ROBO2: variants seen among roughly 807,000 people sequenced by gnomAD.
The protein encoded by ROBO2 is roundabout guidance receptor 2.
A neutral mutation model predicts 160.8 loss-of-function variants in ROBO2; 53 were observed. The ratio of observed to expected loss-of-function variants is 0.33; its 90% CI spans 0.26 to 0.41. The LOEUF is 0.41. Among genes scored for constraint, ROBO2 ranks in the 10% least tolerant of loss-of-function variants. The pLI, the probability that ROBO2 is intolerant of heterozygous loss-of-function variation, is 1.00. For missense variants in ROBO2, 1,577 were observed against 1,722.4 expected (o/e 0.92, Z 1.49); for synonymous variants, 664 against 611.7 (o/e 1.09, Z -1.26).
At chr3:76,213,342 T>C (rs914691138) in intron 2 of ROBO2, among the ~76,000 whole-genome samples, 1 of 152,120 alleles carries the variant, frequency 6.6e-6, no homozygotes, top group African/African-American at 2.4e-5. Flanking sequence ...AAACTAGTCT[T>C]TTAAAGAAGT....
At chr3:77,541,554 C>T (rs2092461681) in intron 6 of ROBO2, among the ~76,000 whole-genome samples, 1 of 152,140 alleles carries the variant, frequency 6.6e-6, no homozygotes, top group Non-Finnish European at 1.5e-5. Flanking sequence ...TCTTAATTGA[C>T]CTTTTTATAT....
At chr3:76,658,706 G>T (rs74654142) in intron 2 of ROBO2, among the ~76,000 whole-genome samples, 421 of 152,250 alleles carry the variant, frequency 2.8e-3, no homozygotes, top group African/African-American at 9.9e-3. Context: ...AGGTGTATAT[G>T]TGCCACATTT....
At position 76,062,023 on chromosome 3, in the gene ROBO2, C is replaced by A. The variant is rs886258969; in HGVS notation, c.109+124421C>A. 2.0e-5 allele frequency among the ~76,000 whole-genome samples: 3 copies of A among 152,244 alleles called. No homozygotes were observed. The East Asian group carries it at 5.8e-4, about 29-fold the overall frequency. On this transcript the variant is annotated intron_variant, in intron 2 of 26. Coordinates refer to the ROBO2 transcript ENST00000487694. ...CCATTTTAAAGGACAATTCTGATGTCATTGGGCTTGCTAGGATGACTCCAG... is the reference window on the plus strand; with the variant it reads ...CCATTTTAAAGGACAATTCTGATGTAATTGGGCTTGCTAGGATGACTCCAG...
chr3:76,468,715 G>A (rs558400922), intron 2 of ROBO2, among the ~76,000 whole-genome samples: 2 of 152,008 alleles, frequency 1.3e-5, no homozygotes, highest in African/African-American at 2.4e-5. Context: ...GATAGCCCAT[G>A]TACCTAGTTT....
At chr3:77,362,451 G>A (rs150351970) in intron 2 of ROBO2, among the ~76,000 whole-genome samples, 93 of 152,254 alleles carry the variant, frequency 6.1e-4, no homozygotes, top group African/African-American at 2.2e-3. Flanking sequence ...CTGGGGGATG[G>A]TGGAGGATGA....
Position 76,218,088 on chromosome 3 carries a change from A to G in ROBO2, c.109+280486A>G, listed in dbSNP as rs567858556. 2.0e-5 allele frequency among the ~76,000 whole-genome samples: 3 copies of G among 152,316 alleles called. No homozygotes were observed. The South Asian group carries it at 6.2e-4, about 32-fold the overall frequency. ...AGATGATTATCTCAATAGATGCAAA[A>G]AAGACCTTTGACGAAATTCAACAGC... is the stretch of plus-strand genomic sequence containing the variant. On this transcript the variant is annotated intron_variant, in intron 2 of 26. Transcript: ENST00000487694.
intron 2 of ROBO2, among the ~76,000 whole-genome samples, chr3:76,603,719 G>A (rs1293762572): frequency 1.3e-5 from 2 of 151,970 alleles, no homozygotes; most frequent in Middle Eastern, 3.4e-3. Flanking sequence ...CATAACATGT[G>A]TGCTTCTCTA....
At chr3:76,990,463 TA>T (rs543666966) in intron 2 of ROBO2, among the ~76,000 whole-genome samples, 2 of 152,130 alleles carry the variant, frequency 1.3e-5, no homozygotes, top group African/African-American at 2.4e-5. Flanking sequence ...GACAGTTTTT[TA>T]AAAAAACCTT....
chr3:77,103,819 A>G (rs561634520), intron 2 of ROBO2, among the ~76,000 whole-genome samples: 5 of 152,356 alleles, frequency 3.3e-5, no homozygotes, highest in Admixed American at 2.6e-4. Flanking sequence ...AAGAGAGGCT[A>G]CAGAAGTAGA....
intron 2 of ROBO2, among the ~76,000 whole-genome samples, chr3:76,537,645 A>G (rs888978933): frequency 3.3e-5 from 5 of 152,096 alleles, no homozygotes; most frequent in South Asian, 2.1e-4. Flanking sequence ...AGTCTCCCGA[A>G]GGAGTCCCCC....
intron 2 of ROBO2, among the ~76,000 whole-genome samples, chr3:76,754,114 G>A (rs1036706009): frequency 6.6e-6 from 1 of 151,812 alleles, no homozygotes; most frequent in African/African-American, 2.4e-5. Context: ...AATAGAAATA[G>A]CAGGAAGGAG....
chr3:76,168,724 A>G (rs2072925718), intron 2 of ROBO2, among the ~76,000 whole-genome samples: 1 of 152,056 alleles, frequency 6.6e-6, no homozygotes, highest in African/African-American at 2.4e-5. Context: ...TTATCATTAT[A>G]ATCTTAATGT....
chr3:75,968,523 A>T (rs1273683110), intron 2 of ROBO2, among the ~76,000 whole-genome samples: 1 of 151,654 alleles, frequency 6.6e-6, no homozygotes, highest in Non-Finnish European at 1.5e-5. Flanking sequence ...ATGCCATGAA[A>T]TTATTACTAC....
intron 2 of ROBO2, among the ~76,000 whole-genome samples, chr3:76,495,377 A>T (rs1335581177): frequency 1.3e-5 from 2 of 151,996 alleles, no homozygotes; most frequent in African/African-American, 4.8e-5. Context: ...GTGCTAAAAC[A>T]CGCCCTGTCA....
intron 2 of ROBO2, among the ~76,000 whole-genome samples, chr3:76,938,797 C>T (rs945679894): frequency 6.6e-6 from 1 of 151,924 alleles, no homozygotes; most frequent in African/African-American, 2.4e-5. Flanking sequence ...TGGAGAAACC[C>T]CGTCTCTACT....
chr3:75,966,828 G>T (rs1559790622), intron 2 of ROBO2, among the ~76,000 whole-genome samples: 1 of 151,486 alleles, frequency 6.6e-6, no homozygotes, highest in African/African-American at 2.4e-5. Flanking sequence ...TTCTGTTGTG[G>T]AAAAATAGAG....
chr3:76,289,613 T>A (rs1344872429), intron 2 of ROBO2, among the ~76,000 whole-genome samples: 1 of 152,220 alleles, frequency 6.6e-6, no homozygotes, highest in Non-Finnish European at 1.5e-5. Context: ...CTAGCGTTTT[T>A]ATAGTTTTAG....
chr3:76,766,272 A>G (rs562826933), intron 2 of ROBO2, among the ~76,000 whole-genome samples: 134 of 151,750 alleles, frequency 8.8e-4, no homozygotes, highest in African/African-American at 3.2e-3. Context: ...AGAATTATCT[A>G]TTAAATTGAT....
chr3:76,384,960 A>G (rs4856027), intron 2 of ROBO2, among the ~76,000 whole-genome samples: 3,234 of 152,210 alleles, frequency 0.021, 81 homozygotes, highest in African/African-American at 0.063. Context: ...TTTCAGTTCT[A>G]TATTATTTTG....
Sources: gnomAD v4.1 joint callset for allele counts (sites outside exome capture counted in the v4.1 genomes callset) on GRCh38, gnomAD v4.1.1 for gene constraint, MANE v1.5 for transcripts, NCBI Gene and HGNC (gene_info 2026-07-23, HGNC 2026-07-21) for gene names.